KIF21B: variants seen among roughly 807,000 people sequenced by gnomAD.
KIF21B encodes kinesin-like protein KIF21B.
Under a neutral mutation model 192.9 loss-of-function variants are expected in KIF21B, and 85 were observed. The observed-to-expected ratio is 0.44, with a 90% CI of 0.37 to 0.53. The LOEUF is 0.53. KIF21B is among the 20% of genes least tolerant of loss of function. KIF21B has a pLI of 0.00. For missense variants in KIF21B, 1,716 were observed against 2,194.8 expected, an observed-to-expected ratio of 0.78 and a Z score of 4.36; for synonymous variants, 832 against 884.6, an observed-to-expected ratio of 0.94 and a Z score of 1.05.
intron 26 of KIF21B, 138 bp from the exon 27 acceptor site, chr1:200,985,110 C>G: frequency 1.9e-6 from 1 of 524,338 alleles, no homozygotes; most frequent in Non-Finnish European, 3.4e-6. Flanking sequence ...GAGCTCAACA[C>G]CCAATGAAAC....
chr1:200,983,048 G>T lies in KIF21B; in HGVS notation c.3842+8C>A. 1 of 1,535,878 alleles carries T rather than the reference G, an allele frequency of 6.5e-7. No homozygotes were observed. Among genetic ancestry groups the T allele is most frequent in the Non-Finnish European group, 8.7e-7 (1 of 1,146,624 alleles). On this transcript the variant is annotated splice_region_variant and intron_variant, in intron 28 of 34. Transcript: ENST00000461742. ...GGGAACCAAACACGAGAGACATTCT[G>T]TGTGTACCTCAGGACCTCCGACAAA...
In KIF21B at chr1:201,000,718, G is replaced by A; in HGVS notation, c.1465C>T (p.Arg489Trp). ...ACCTGCCGGAGCTCACTCACTCACC[G>A]TAGCTCCTCGATCTCCCGGATGTAG... ...QNYIREIEELRTKLLESEAMN... is the reference protein window; with the variant it reads ...QNYIREIEELWTKLLESEAMN... The change falls in exon 10 of 35, where the codon CGG becomes TGG. Residue 489 changes from arginine to tryptophan, a missense_variant and splice_region_variant. Transcript: ENST00000461742. The surrounding 1 kb of genome is among the most constrained non-coding windows in gnomAD (Gnocchi z 6.0). 1.2e-6 allele frequency: 2 copies of A among 1,614,188 alleles called. No individual in the cohort carries two copies. Among genetic ancestry groups the A allele is most frequent in the Non-Finnish European group, 1.7e-6 (2 of 1,180,010 alleles).
rs993736216 is a variant in KIF21B at position 200,993,772 on chromosome 1, A to C, written c.2278-1383T>G. On this transcript the variant is annotated intron_variant, in intron 15 of 34. Coordinates refer to ENST00000461742, the MANE Select transcript of KIF21B (RefSeq NM_001252102.2). Reference sequence around the variant, plus strand: ...CTTTAAAACAAAACAAAACAAAAAAAAAAAAAAAGAGAGAGAAAGAAAAAC... The same window carrying C: ...CTTTAAAACAAAACAAAACAAAAAACAAAAAAAAGAGAGAGAAAGAAAAAC... Among the ~76,000 whole-genome samples, 42 of 150,978 alleles carry C rather than the reference A, an allele frequency of 2.8e-4. 1 individual carries two copies. Among genetic ancestry groups the C allele is most frequent in the Non-Finnish European group, 1.0e-4 (7 of 67,918 alleles).
rs748498778 is a variant in KIF21B at position 200,974,923 on chromosome 1, G to C, written c.4615-10C>G. 4 of 1,612,816 alleles carry C rather than the reference G, an allele frequency of 2.5e-6. No individual in the cohort carries two copies. Among genetic ancestry groups the C allele is most frequent in the Non-Finnish European group, 3.4e-6 (4 of 1,179,882 alleles). ...GCGCATTGGGGATTTGCTGTGAGAG[G>C]ATCAGGGCTGGTGAGGGCTGGGGGA... On this transcript the variant is annotated splice_polypyrimidine_tract_variant and intron_variant, in intron 33 of 34. Coordinates refer to ENST00000461742, the MANE Select transcript of KIF21B (RefSeq NM_001252102.2).
At chr1:201,022,883 T>G (rs1418199852) in intron 1 of KIF21B, among the ~76,000 whole-genome samples, 2 of 152,240 alleles carry the variant, frequency 1.3e-5, no homozygotes, top group African/African-American at 4.8e-5. Context: ...TCTGCAGATC[T>G]GGCTCCCAGG....
chr1:200,988,556 C>CGGGGG lies in KIF21B; in HGVS notation c.3299-13_3299-12insCCCCC. 3 of 282,544 alleles carry CGGGGG rather than the reference C, an allele frequency of 1.1e-5. No individual in the cohort carries two copies. The highest frequency in any genetic ancestry group is 7.0e-5 in the Admixed American group (1 of 14,318). 17.5% of individuals were successfully genotyped at this position (282,544 alleles called of 1,614,324 possible). On this transcript the variant is annotated splice_polypyrimidine_tract_variant and intron_variant, in intron 22 of 34. Coordinates refer to ENST00000461742, the MANE Select transcript of KIF21B (RefSeq NM_001252102.2). ...GGCGTAGCCATTCTCTGTGGGAGGG[C>CGGGGG]GGGAGGGAGGGAAAGGGGTTGAGAA...
chr1:201,019,325 G>A (rs1278885043), intron 1 of KIF21B, among the ~76,000 whole-genome samples: 2 of 152,068 alleles, frequency 1.3e-5, no homozygotes, highest in East Asian at 1.9e-4. Context: ...TTTTATGTCC[G>A]TCTTCCTCCA....
In KIF21B at chr1:200,975,990, G is replaced by C. The variant is rs895955801; in HGVS notation, c.4444-321C>G. ...CCACAGCTCAACAGGCAGCTGCTAA[G>C]GAGAAGGGTGGGTTTAGGGTGTGAG... On this transcript the variant is annotated intron_variant, in intron 32 of 34. Transcript: ENST00000461742. This position sits in a 1 kb window ranked among gnomAD's most constrained non-coding sequence, Gnocchi z 4.3. Among the ~76,000 whole-genome samples, 1 of 152,112 alleles carries C rather than the reference G, an allele frequency of 6.6e-6. No individual in the cohort carries two copies. Among genetic ancestry groups the C allele is most frequent in the African/African-American group, 2.4e-5 (1 of 41,414 alleles).
chr1:200,989,916 C>T (rs1571929581), intron 21 of KIF21B, 26 bp downstream of exon 21: 1 of 1,576,290 alleles, frequency 6.3e-7, no homozygotes, highest in Non-Finnish European at 8.7e-7. Flanking sequence ...CATAGAGCCC[C>T]CTGCCCATGT....
intron 3 of KIF21B, among the ~76,000 whole-genome samples, chr1:201,006,523 G>A (rs191309988): frequency 1.6e-4 from 25 of 152,216 alleles, no homozygotes; most frequent in Non-Finnish European, 2.9e-4. Context: ...GCCCTAAAGG[G>A]ACAGAAATAC....
rs565712809 is a variant in KIF21B at position 201,009,426 on chromosome 1, G to A, written c.104C>T (p.Pro35Leu). Residue 35 changes from proline to leucine, a missense_variant, in exon 2 of 35, where the codon CCG becomes CTG. Transcript: ENST00000461742. ...CCCCAGCAGGACCTGGGGCTCTCCC[G>A]GGGTAACAGAGGTACAGATGTGACA... ...EGCHICTSVT[P>L]GEPQVLLGKD... The A allele has an allele frequency of 2.1e-5, 34 of 1,614,238 alleles. No individual in the cohort carries two copies. The East Asian group carries it at 2.5e-4, about 12-fold the overall frequency.
intron 1 of KIF21B, among the ~76,000 whole-genome samples, chr1:201,009,955 G>A (rs1310717952): frequency 1.3e-5 from 2 of 152,194 alleles, no homozygotes; most frequent in South Asian, 2.1e-4. Flanking sequence ...ATCTCGTCAG[G>A]GGAGAGAAGG....
Position 201,004,972 on chromosome 1 carries a change from C to T in KIF21B, c.733-39G>A, listed in dbSNP as rs780486828. ...CAGCTCTGACTCACCCAGCCCTCGC[C>T]CACCTCACTGGCTCCCCTGATCACA... On this transcript the variant is annotated intron_variant, in intron 5 of 34. Coordinates refer to ENST00000461742, the MANE Select transcript of KIF21B (RefSeq NM_001252102.2). 8.9e-6 allele frequency: 14 copies of T among 1,577,750 alleles called. No individual in the cohort carries two copies. In the Middle Eastern group the frequency reaches 5.2e-4, roughly 58 times the overall value.
In KIF21B at chr1:201,023,067, A is replaced by G. The variant is rs1025136401; in HGVS notation, c.41+276T>C. On this transcript the variant is annotated intron_variant, in intron 1 of 34. Transcript: ENST00000461742. The surrounding 1 kb of genome is among the most constrained non-coding windows in gnomAD (Gnocchi z 5.9). ...GCCAGAGCTGGGTGTGAAATACCGG[A>G]TTTCCTTGTTTATTCGATTTTCTGA... Among the ~76,000 whole-genome samples the G allele has an allele frequency of 6.6e-6, 1 of 152,214 alleles. No homozygotes were observed. The highest frequency in any genetic ancestry group is 2.4e-5 in the African/African-American group (1 of 41,456).
chr1:201,019,453 T>C (rs1345238137), intron 1 of KIF21B, among the ~76,000 whole-genome samples: 1 of 152,028 alleles, frequency 6.6e-6, no homozygotes, highest in Non-Finnish European at 1.5e-5. Flanking sequence ...AGCCAGTGGA[T>C]GAATTGCATC....
chr1:201,017,187 TC>T lies in KIF21B; in HGVS notation c.41+6155del, dbSNP rs1658559799. On this transcript the variant is annotated intron_variant, in intron 1 of 34. Coordinates refer to ENST00000461742, the MANE Select transcript of KIF21B (RefSeq NM_001252102.2). The surrounding 1 kb of genome is among the most constrained non-coding windows in gnomAD (Gnocchi z 4.1). ...TATGGCCCTCCAGGGCATCAGGATC[TC>T]AGCCGTGCAGAGGAATCGGGCCAGC... Among the ~76,000 whole-genome samples, 1 of 152,132 alleles carries T rather than the reference TC, an allele frequency of 6.6e-6. No homozygotes were observed. The highest frequency in any genetic ancestry group is 1.5e-5 in the Non-Finnish European group (1 of 68,016).
At chr1:200,988,969 G>A (rs1328295913) in intron 21 of KIF21B, 38 bp from the exon 22 acceptor site, 5 of 1,573,820 alleles carry the variant, frequency 3.2e-6, no homozygotes, top group Admixed American at 3.6e-5. Context: ...TACCCCTCCT[G>A]GGGGTTGGGA....
chr1:201,019,914 C>T (rs976776092), intron 1 of KIF21B, among the ~76,000 whole-genome samples: 4 of 152,198 alleles, frequency 2.6e-5, no homozygotes, highest in Admixed American at 6.5e-5. Flanking sequence ...GTTCAAAATT[C>T]AGACAGTCAT....
rs1278122660 is a variant in KIF21B, at chr1:200,980,347, C to T, written c.3979+613G>A. Among the ~76,000 whole-genome samples the T allele has an allele frequency of 3.9e-5, 6 of 152,188 alleles. No individual in the cohort carries two copies. In the East Asian group the frequency reaches 7.7e-4, roughly 20 times the overall value. ...ACAGCTCACTGCAGCCTTGACCTCC[C>T]GGACTCAAACGATCCTCCCACCTCA... On this transcript the variant is annotated intron_variant, in intron 29 of 34. Coordinates refer to ENST00000461742, the MANE Select transcript of KIF21B (RefSeq NM_001252102.2).
Sources: allele counts gnomAD v4.1 joint callset (sites outside exome capture counted in the v4.1 genomes callset), GRCh38; gene constraint gnomAD v4.1.1; non-coding constraint Gnocchi (gnomAD v3.1); transcripts MANE v1.5; gene names NCBI Gene and HGNC (gene_info 2026-07-23, HGNC 2026-07-21).